COL13A1: variants seen among roughly 807,000 people sequenced by gnomAD.
COL13A1 encodes collagen type XIII alpha 1 chain.
A neutral mutation model predicts 130.9 loss-of-function variants in COL13A1; 89 were observed. That is an observed-to-expected ratio of 0.68 (90% CI 0.57 to 0.81). COL13A1 has a LOEUF of 0.81. COL13A1 is among the 30% of genes least tolerant of loss of function. The pLI, the probability that COL13A1 is intolerant of heterozygous loss-of-function variation, is 0.00. For synonymous variants in COL13A1, 402 were observed against 341.6 expected (o/e 1.18, Z -1.95); for missense variants, 879 against 934.6 (o/e 0.94, Z 0.78).
At chr10:69,844,243 T>G (rs1411267196) in intron 2 of COL13A1, among the ~76,000 whole-genome samples, 1 of 152,218 alleles carries the variant, frequency 6.6e-6, no homozygotes, top group South Asian at 2.1e-4. Flanking sequence ...CAGCTCAGTG[T>G]GGCTGTCCAG....
chr10:69,878,535 G>T (rs373043564), intron 6 of COL13A1, among the ~76,000 whole-genome samples: 10 of 151,924 alleles, frequency 6.6e-5, no homozygotes, highest in Non-Finnish European at 2.9e-5. Flanking sequence ...AGGCTGGAGC[G>T]CAGTGGCGAG....
At chr10:69,878,435 C>T (rs2059821268) in intron 6 of COL13A1, among the ~76,000 whole-genome samples, 1 of 152,154 alleles carries the variant, frequency 6.6e-6, no homozygotes, top group Non-Finnish European at 1.5e-5. Flanking sequence ...CAGAAGCCAT[C>T]CTGGAACATC....
In COL13A1 at chr10:69,917,338, C is replaced by A; in HGVS notation, c.966+5C>A. The A allele has an allele frequency of 6.2e-7, 1 of 1,613,048 alleles. No homozygotes were observed. The highest frequency in any genetic ancestry group is 1.1e-5 in the South Asian group (1 of 90,888). ...CCAGGCAAGCATGGAGCCAAGGTAC[C>A]TCCCCCTTCCCCACATCCCAGGCAG... On this transcript the variant is annotated splice_donor_5th_base_variant and intron_variant, in intron 18 of 40. Coordinates refer to ENST00000645393, the MANE Select transcript of COL13A1 (RefSeq NM_001368882.1).
intron 4 of COL13A1, among the ~76,000 whole-genome samples, chr10:69,873,272 AC>A (rs2059253836): frequency 6.6e-6 from 1 of 152,220 alleles, no homozygotes; most frequent in Non-Finnish European, 1.5e-5. Flanking sequence ...GACTAATCCA[AC>A]AGCTTCTAAA....
chr10:69,804,002 G>A (rs2642604), intron 1 of COL13A1, among the ~76,000 whole-genome samples: 17 of 152,046 alleles, frequency 1.1e-4, no homozygotes, highest in East Asian at 3.9e-4. Flanking sequence ...AGAGCAGAGA[G>A]AGCGGTCACA....
At chr10:69,958,383 C>T (rs1267910875) in intron 40 of COL13A1, among the ~76,000 whole-genome samples, 2 of 152,226 alleles carry the variant, frequency 1.3e-5, no homozygotes, top group African/African-American at 4.8e-5. Context: ...AGCTTCAAGA[C>T]TACTCATTCA....
At chr10:69,865,959 G>A (rs1452574423) in intron 2 of COL13A1, among the ~76,000 whole-genome samples, 7 of 152,210 alleles carry the variant, frequency 4.6e-5, no homozygotes, top group East Asian at 1.9e-4. Flanking sequence ...TTCTTCATCC[G>A]CAAGGCGGGA....
intron 13 of COL13A1, among the ~76,000 whole-genome samples, chr10:69,898,470 C>G (rs533980644): frequency 9.2e-5 from 14 of 152,352 alleles, no homozygotes; most frequent in Non-Finnish European, 1.8e-4. Context: ...TCCTAAGGGA[C>G]GGCTGTGCCA....
chr10:69,823,568 G>C (rs1461944674), intron 2 of COL13A1, among the ~76,000 whole-genome samples: 1 of 152,196 alleles, frequency 6.6e-6, no homozygotes, highest in African/African-American at 2.4e-5. Flanking sequence ...AGGGACCCAA[G>C]TAACACTCAC....
At chr10:69,880,347 C>G in intron 6 of COL13A1, 156 bp from the exon 7 acceptor site, 1 of 697,386 alleles carries the variant, frequency 1.4e-6, no homozygotes, top group South Asian at 1.6e-5. Flanking sequence ...CCTCGTGGCC[C>G]TCCACGTCCC....
chr10:69,891,812 T>C (rs982330317), intron 10 of COL13A1, among the ~76,000 whole-genome samples: 9 of 152,182 alleles, frequency 5.9e-5, no homozygotes, highest in African/African-American at 2.2e-4. Context: ...TAACAGCTTA[T>C]CATCCCCACT....
At chr10:69,824,922 T>G (rs1847114537) in intron 2 of COL13A1, among the ~76,000 whole-genome samples, 1 of 152,192 alleles carries the variant, frequency 6.6e-6, no homozygotes, top group African/African-American at 2.4e-5. Context: ...AGGACTGGAA[T>G]GGCCACACGG....
At chr10:69,829,216 C>T (rs1254870527) in intron 2 of COL13A1, 2 of 985,116 alleles carry the variant, frequency 2.0e-6, no homozygotes, top group South Asian at 4.7e-5. Flanking sequence ...CCACCTCCAC[C>T]GTCATCACCC....
intron 8 of COL13A1, among the ~76,000 whole-genome samples, chr10:69,887,774 C>T (rs778192134): frequency 6.6e-6 from 1 of 152,168 alleles, no homozygotes; most frequent in Non-Finnish European, 1.5e-5. Context: ...CAGCATTGAC[C>T]TGGGAATATA....
At chr10:69,873,400 C>T (rs148222488) in intron 4 of COL13A1, among the ~76,000 whole-genome samples, 20 of 152,298 alleles carry the variant, frequency 1.3e-4, no homozygotes, top group African/African-American at 4.6e-4. Flanking sequence ...GAATCGGTCC[C>T]ATGAAATCCA....
intron 22 of COL13A1, 91 bp downstream of exon 22, chr10:69,922,026 CG>C: frequency 6.9e-7 from 1 of 1,443,038 alleles, no homozygotes; most frequent in Non-Finnish European, 9.3e-7. Context: ...CAGCATTGGA[CG>C]TGTCTGTCTC....
intron 14 of COL13A1, 38 bp from the exon 15 acceptor site, chr10:69,902,710 G>A: frequency 6.6e-7 from 1 of 1,516,832 alleles, no homozygotes; most frequent in Non-Finnish European, 8.9e-7. Context: ...TGCAGCTCTG[G>A]GGGCCTTCCC....
At chr10:69,818,338 G>A (rs1162023917) in intron 1 of COL13A1, among the ~76,000 whole-genome samples, 2 of 152,096 alleles carry the variant, frequency 1.3e-5, no homozygotes, top group Non-Finnish European at 2.9e-5. Flanking sequence ...ATACTCAACG[G>A]GCTGCTGGAG....
At chr10:69,803,876 A>G (rs1386808464) in intron 1 of COL13A1, among the ~76,000 whole-genome samples, 2 of 152,160 alleles carry the variant, frequency 1.3e-5, no homozygotes, top group African/African-American at 4.8e-5. Context: ...GGGTGCTGTG[A>G]GCATTTTGGC....
Sources: allele counts gnomAD v4.1 joint callset (sites outside exome capture counted in the v4.1 genomes callset), GRCh38; gene constraint gnomAD v4.1.1; transcripts MANE v1.5; gene names NCBI Gene and HGNC (gene_info 2026-07-23, HGNC 2026-07-21).